Variants in USP7 observed in about 807,000 individuals in gnomAD.
USP7 encodes the protein ubiquitin C-terminal hydrolase 7.
A neutral mutation model predicts 162.9 loss-of-function variants in USP7; 9 were observed. The observed-to-expected ratio is 0.06, with a 90% CI of 0.03 to 0.10. USP7 has a LOEUF of 0.10. Ranked by LOEUF, USP7 falls within the 10% of genes least tolerant of loss-of-function variation. USP7 has a pLI of 1.00. For missense variants in USP7, 715 were observed against 1,373.7 expected (o/e 0.52, Z 7.58); for synonymous variants, 562 against 475.9 (o/e 1.18, Z -2.35).
Position 8,923,232 on chromosome 16 carries a change from A to G in USP7, c.366T>C (p.Asn122=), listed in dbSNP as rs1318987349. The G allele has an allele frequency of 2.8e-6, 1 of 361,444 alleles. No individual in the cohort carries two copies. Among genetic ancestry groups the G allele is most frequent in the South Asian group, 2.4e-5 (1 of 42,244 alleles). 22.4% of individuals were successfully genotyped at this position (361,444 alleles called of 1,614,324 possible). A position where few individuals can be genotyped will look rare whatever the true frequency, so the allele number is the denominator to read the frequency against. Residue 122 remains asparagine, a synonymous_variant, in exon 3 of 31, where the codon AAT becomes AAC. Transcript: ENST00000344836. ...QKSVGFFLQC[N]AESDSTSWSC... ...TGTCTTACGTGGAATCAGATTCAGCATTGCACTGGAGAAAGAATCCTACGC... is the reference window on the plus strand; with the variant it reads ...TGTCTTACGTGGAATCAGATTCAGCGTTGCACTGGAGAAAGAATCCTACGC...
chr16:8,960,599 T>C (rs1344799720), intron 1 of USP7, among the ~76,000 whole-genome samples: 1 of 152,188 alleles, frequency 6.6e-6, no homozygotes, highest in Non-Finnish European at 1.5e-5. Context: ...GTTCAGACCC[T>C]GACAGTTTCC....
At chr16:8,926,698 C>T (rs1016038507) in intron 2 of USP7, among the ~76,000 whole-genome samples, 1 of 152,198 alleles carries the variant, frequency 6.6e-6, no homozygotes, top group African/African-American at 2.4e-5. Flanking sequence ...AGGACACCCA[C>T]ATTCACTGCA....
Position 8,917,111 on chromosome 16 carries a change from C to T in USP7, c.766G>A (p.Val256Ile). 3 of 1,613,390 alleles carry T rather than the reference C, an allele frequency of 1.9e-6. No homozygotes were observed. Among genetic ancestry groups the T allele is most frequent in the South Asian group, 1.1e-5 (1 of 90,858 alleles). Residue 256 changes from valine (V) to isoleucine (I), a missense_variant, in exon 7 of 31, where the codon GTC becomes ATC. Around this residue, in one of 11 missense-constraint regions of USP7, gnomAD observed 24 missense variants for 153.3 expected, o/e 0.16. Coordinates refer to ENST00000344836, the MANE Select transcript of USP7 (RefSeq NM_003470.3). ...PTEGDDSSKS[V>I]PLALQRVFYE... Reference sequence around the variant, plus strand: ...AACACTCTTTGTAATGCTAAAGGGACGCTTTTAGACGAATCATCCCCCTCG... The same window carrying T: ...AACACTCTTTGTAATGCTAAAGGGATGCTTTTAGACGAATCATCCCCCTCG...
chr16:8,951,373 T>C (rs1055310754), intron 1 of USP7, among the ~76,000 whole-genome samples: 7 of 73,598 alleles, frequency 9.5e-5, no homozygotes, highest in Admixed American at 8.7e-4. Flanking sequence ...AAAGCTGTCA[T>C]CTTAAAGAAA....
chr16:8,905,251 GTCA>G lies in USP7; in HGVS notation c.1506_1508del (p.Asp504del), dbSNP rs774190045. On this transcript the variant is annotated inframe_deletion, in exon 14 of 31. Coordinates refer to ENST00000344836, the MANE Select transcript of USP7 (RefSeq NM_003470.3). ...TAGTGCAGTGTCGAACAGACAGGTC[GTCA>G]TCGTGACCCCCATAATTGTGCTCAA... The G allele has an allele frequency of 6.2e-7, 1 of 1,614,168 alleles. No individual in the cohort carries two copies. Among genetic ancestry groups the G allele is most frequent in the Non-Finnish European group, 8.5e-7 (1 of 1,180,022 alleles).
chr16:8,959,935 G>A (rs1899946085), intron 1 of USP7, among the ~76,000 whole-genome samples: 1 of 152,194 alleles, frequency 6.6e-6, no homozygotes, highest in Non-Finnish European at 1.5e-5. Context: ...TCGTCTCAGA[G>A]CCGACACTGA....
At chr16:8,907,352 C>T (rs780075216) in intron 12 of USP7, among the ~76,000 whole-genome samples, 11 of 152,246 alleles carry the variant, frequency 7.2e-5, no homozygotes, top group South Asian at 2.1e-4. Flanking sequence ...TTTCTGACCA[C>T]GGTAAAGACT....
intron 15 of USP7, among the ~76,000 whole-genome samples, chr16:8,904,132 G>GCAGCA (rs1373833011): frequency 6.6e-6 from 1 of 152,138 alleles, no homozygotes; most frequent in African/African-American, 2.4e-5. Context: ...AAATACTCAG[G>GCAGCA]CAGCTGCCCA....
chr16:8,959,845 C>G (rs1444891960), intron 1 of USP7, among the ~76,000 whole-genome samples: 2 of 152,160 alleles, frequency 1.3e-5, no homozygotes, highest in East Asian at 1.9e-4. Context: ...AAGCCTAGAT[C>G]AGAAGCTGCA....
intron 1 of USP7, among the ~76,000 whole-genome samples, chr16:8,930,922 T>C (rs2079728753): frequency 6.6e-6 from 1 of 150,742 alleles, no homozygotes; most frequent in Admixed American, 6.6e-5. Context: ...TGAGCCAAGA[T>C]CATGCCACTG....
intron 12 of USP7, 65 bp downstream of exon 12, chr16:8,908,276 C>G (rs1201007451): frequency 1.7e-5 from 23 of 1,327,040 alleles, no homozygotes; most frequent in African/African-American, 2.9e-5. Flanking sequence ...GAGGAAAGCA[C>G]TGAGACTAAC....
At chr16:8,910,509 C>T (rs2061929528) in intron 11 of USP7, among the ~76,000 whole-genome samples, 1 of 152,138 alleles carries the variant, frequency 6.6e-6, no homozygotes, top group African/African-American at 2.4e-5. Context: ...ATGCCTAAAA[C>T]CCCACAAGAC....
At chr16:8,900,127 C>T (rs1183336241) in intron 21 of USP7, 13 of 363,030 alleles carry the variant, frequency 3.6e-5, no homozygotes, top group Non-Finnish European at 5.0e-5. Flanking sequence ...TCTGGGCTTT[C>T]GTGTGCCATC....
chr16:8,898,689 A>G (rs1368343248), intron 23 of USP7, 50 bp from the exon 24 acceptor site: 1 of 1,440,276 alleles, frequency 6.9e-7, no homozygotes, highest in Non-Finnish European at 9.4e-7. Context: ...TTTGCCTAAA[A>G]ACAAATATCT....
intron 1 of USP7, among the ~76,000 whole-genome samples, chr16:8,962,204 T>C (rs1172839107): frequency 6.6e-6 from 1 of 152,192 alleles, no homozygotes; most frequent in Non-Finnish European, 1.5e-5. Context: ...AACTAAAGCA[T>C]TCCACGCCGT....
intron 1 of USP7, among the ~76,000 whole-genome samples, chr16:8,948,908 G>A (rs1035854596): frequency 6.6e-6 from 1 of 152,082 alleles, no homozygotes. Context: ...AGGCTGCAAT[G>A]AGCTATGATC....
chr16:8,951,873 ATC>A (rs1430639970), intron 1 of USP7, among the ~76,000 whole-genome samples: 2 of 152,232 alleles, frequency 1.3e-5, no homozygotes, highest in Non-Finnish European at 2.9e-5. Flanking sequence ...ATTTTGCTTC[ATC>A]TCTTTTTATG....
chr16:8,897,321 A>G lies in USP7; in HGVS notation c.2719-222T>C, dbSNP rs2061698306. 4 of 508,264 alleles carry G rather than the reference A, an allele frequency of 7.9e-6. No individual in the cohort carries two copies. The Admixed American group carries it at 1.4e-4, about 18-fold the overall frequency. 31.5% of individuals were successfully genotyped at this position (508,264 alleles called of 1,614,324 possible). A position where few individuals can be genotyped will look rare whatever the true frequency, so the allele number is the denominator to read the frequency against. Reference sequence around the variant, plus strand: ...AACCAAATACTGACGGGAGGTTAACAAAAGTGGCCTTGATGCAAGAAGCCT... The same window carrying G: ...AACCAAATACTGACGGGAGGTTAACGAAAGTGGCCTTGATGCAAGAAGCCT... On this transcript the variant is annotated intron_variant, in intron 25 of 30. Coordinates refer to ENST00000344836, the MANE Select transcript of USP7 (RefSeq NM_003470.3).
chr16:8,896,968 A>T, intron 26 of USP7, 31 bp downstream of exon 26: 1 of 1,557,344 alleles, frequency 6.4e-7, no homozygotes, highest in East Asian at 2.2e-5. Flanking sequence ...CCCTAACTGA[A>T]CGTCCACAAT....
Sources: allele counts gnomAD v4.1 joint callset (sites outside exome capture counted in the v4.1 genomes callset), GRCh38; gene constraint gnomAD v4.1.1; regional missense constraint gnomAD v4.1.1; transcripts MANE v1.5; gene names NCBI Gene and HGNC (gene_info 2026-07-23, HGNC 2026-07-21).